The following KAT6A variants were observed in gnomAD, a reference collection of about 807,000 sequenced individuals.
KAT6A encodes histone acetyltransferase KAT6A.
A neutral mutation model predicts 198.4 loss-of-function variants in KAT6A; 9 were observed. That is an observed-to-expected ratio of 0.05 (90% CI 0.03 to 0.08). The LOEUF is 0.08. KAT6A is among the 10% of genes least tolerant of loss of function. The pLI, the probability that KAT6A is intolerant of heterozygous loss-of-function variation, is 1.00. For synonymous variants in KAT6A, 890 were observed against 883.0 expected, an observed-to-expected ratio of 1.01 and a Z score of -0.14; for missense variants, 2,077 against 2,509.9, an observed-to-expected ratio of 0.83 and a Z score of 3.69.
intron 12 of KAT6A, among the ~76,000 whole-genome samples, chr8:41,945,435 T>C (rs1297009565): frequency 1.3e-5 from 2 of 151,876 alleles, no homozygotes; most frequent in Non-Finnish European, 2.9e-5. Context: ...CACACCCAGC[T>C]AATTTTTTGT....
At chr8:41,987,075 T>TAG (rs1286904799) in intron 3 of KAT6A, among the ~76,000 whole-genome samples, 1 of 152,150 alleles carries the variant, frequency 6.6e-6, no homozygotes, top group Non-Finnish European at 1.5e-5. Flanking sequence ...CATATGACTG[T>TAG]AGCCCCGTAA....
chr8:42,051,247 C>T (rs1243973673), intron 1 of KAT6A, among the ~76,000 whole-genome samples: 2 of 151,736 alleles, frequency 1.3e-5, no homozygotes, highest in African/African-American at 4.8e-5. Flanking sequence ...GACAGGCGCC[C>T]GGCCTCCCCT....
intron 8 of KAT6A, among the ~76,000 whole-genome samples, chr8:41,967,248 C>T (rs548001068): frequency 4.0e-4 from 50 of 123,548 alleles, no homozygotes; most frequent in African/African-American, 1.6e-3. Context: ...TGAATACAAA[C>T]GCGTCTTTCT....
chr8:41,932,778 T>C lies in KAT6A; in HGVS notation c.5442A>G (p.Pro1814=), dbSNP rs1821622041. The stretch of plus-strand genomic sequence containing the variant: ...GGTTCATGGTAGTGGATGCCAAGTT[T>C]GGGGGTGGCGTCATGGTGGCTTGTG... ...PQAQATMTPP[P]NLASTTMNLT... is the part of the protein sequence containing the mutation. Residue 1814 remains proline (P), a synonymous_variant, in exon 17 of 17, where the codon CCA becomes CCG. Transcript: ENST00000265713. The C allele has an allele frequency of 6.2e-7, 1 of 1,614,134 alleles. No individual in the cohort carries two copies.
At chr8:42,047,237 G>A (rs949658340) in intron 2 of KAT6A, among the ~76,000 whole-genome samples, 2 of 152,228 alleles carry the variant, frequency 1.3e-5, no homozygotes, top group African/African-American at 4.8e-5. Flanking sequence ...TTACAGCTAA[G>A]ATACTAGGTC....
rs1821521017 is a variant in KAT6A, at chr8:41,931,136, A to G, written c.*1069T>C. The G allele has an allele frequency of 4.5e-6, 1 of 222,602 alleles. No homozygotes were observed. The highest frequency in any genetic ancestry group is 1.8e-4 in the South Asian group (1 of 5,436). 13.8% of individuals were successfully genotyped at this position (222,602 alleles called of 1,614,324 possible). A position where few individuals can be genotyped will look rare whatever the true frequency, so the allele number is the denominator to read the frequency against. On this transcript the variant is annotated 3_prime_UTR_variant, in exon 17 of 17. Coordinates refer to ENST00000265713, the MANE Select transcript of KAT6A (RefSeq NM_006766.5). ...AAATCACTAAAATGTACAGTCATCC[A>G]CCAACAATTTAAGAAAGAACCTAAG...
At chr8:41,996,836 G>A (rs1825236033) in intron 2 of KAT6A, among the ~76,000 whole-genome samples, 1 of 152,090 alleles carries the variant, frequency 6.6e-6, no homozygotes, top group Admixed American at 6.6e-5. Flanking sequence ...TACAACAGCA[G>A]AAAACAGACT....
intron 8 of KAT6A, among the ~76,000 whole-genome samples, chr8:41,965,755 C>T (rs1291231764): frequency 6.6e-6 from 1 of 152,148 alleles, no homozygotes; most frequent in Non-Finnish European, 1.5e-5. Flanking sequence ...TATTAAGCTG[C>T]ATTTTGGAGC....
intron 10 of KAT6A, among the ~76,000 whole-genome samples, chr8:41,948,904 T>C (rs964179528): frequency 7.0e-6 from 1 of 143,268 alleles, no homozygotes; most frequent in Non-Finnish European, 1.5e-5. Context: ...AGGTCACACA[T>C]CATCATCATC....
At chr8:41,980,397 G>A (rs970961264) in intron 5 of KAT6A, among the ~76,000 whole-genome samples, 1 of 151,968 alleles carries the variant, frequency 6.6e-6, no homozygotes, top group African/African-American at 2.4e-5. Context: ...ATTTCATAAA[G>A]TATTTCATAA....
At position 41,989,402 on chromosome 8, in the gene KAT6A, G is replaced by A. The variant is rs537672728; in HGVS notation, c.601-1839C>T. On this transcript the variant is annotated intron_variant, in intron 2 of 16. Transcript: ENST00000265713. Reference sequence around the variant, plus strand: ...CATGCATCTGTAATCCCAGCTACTCGGGAGACTGAAGCAGAAGAATCGCTT... The same window carrying A: ...CATGCATCTGTAATCCCAGCTACTCAGGAGACTGAAGCAGAAGAATCGCTT... Among the ~76,000 whole-genome samples the A allele has an allele frequency of 3.2e-4, 48 of 152,090 alleles. 1 individual carries two copies. The highest frequency in any genetic ancestry group is 2.1e-3 in the South Asian group (10 of 4,812).
chr8:42,020,305 T>A (rs1826470691), intron 2 of KAT6A, among the ~76,000 whole-genome samples: 1 of 151,988 alleles, frequency 6.6e-6, no homozygotes, highest in Non-Finnish European at 1.5e-5. Flanking sequence ...ACAGAAAGAG[T>A]TTGCCAACAA....
intron 9 of KAT6A, 138 bp downstream of exon 9, chr8:41,955,158 T>G: frequency 1.7e-6 from 1 of 598,216 alleles, no homozygotes; most frequent in South Asian, 2.0e-5. Context: ...CCAAAGCCGC[T>G]GCTATTATGG....
chr8:41,977,473 C>T, intron 6 of KAT6A, 146 bp from the exon 7 acceptor site: 1 of 526,106 alleles, frequency 1.9e-6, no homozygotes. Flanking sequence ...ATAAATAGTA[C>T]TCTGTGAATG....
At chr8:42,039,782 G>T (rs1281119055) in intron 2 of KAT6A, among the ~76,000 whole-genome samples, 1 of 151,786 alleles carries the variant, frequency 6.6e-6, no homozygotes, top group Non-Finnish European at 1.5e-5. Context: ...CACCCAGGCT[G>T]GAGTGCAGTA....
chr8:42,040,735 C>CAAAAAAAAAAAAAAAAAAAAA (rs59959496), intron 2 of KAT6A, among the ~76,000 whole-genome samples: 7 of 54,664 alleles, frequency 1.3e-4, no homozygotes, highest in Admixed American at 2.4e-4. Flanking sequence ...GACTCTGTCT[C>CAAAAAAAAAAAAAAAAAAAAA]AAAAAAAAAA....
Position 42,049,237 on chromosome 8 carries a change from TA to T in KAT6A, c.-261del, listed in dbSNP as rs1802474566. On this transcript the variant is annotated 5_prime_UTR_variant, in exon 2 of 17. Coordinates refer to ENST00000265713, the MANE Select transcript of KAT6A (RefSeq NM_006766.5). ...ATAGCACCACACATGGGTCTCGTCA[TA>T]AAGTTGTAAGAACTCAAGAATATTT... 2.3e-6 allele frequency: 1 copy of T among 427,178 alleles called. No homozygotes were observed. The allele number at this position is 427,178 out of a possible 1,614,324, so 26.5% of individuals were successfully genotyped here. A position where few individuals can be genotyped will look rare whatever the true frequency, so the allele number is the denominator to read the frequency against.
chr8:42,048,926 T>G lies in KAT6A; in HGVS notation c.52A>C (p.Lys18Gln). The G allele has an allele frequency of 6.2e-7, 1 of 1,614,120 alleles. No individual in the cohort carries two copies. Among genetic ancestry groups the G allele is most frequent in the Non-Finnish European group, 8.5e-7 (1 of 1,180,016 alleles). ...CGCTGTTTCTGCTTTTTCACTTTTT[T>G]GATGGCCTCCAAAATCCACTCAGTA... ...LYTEWILEAI[K>Q]KVKKQKQRPS... Residue 18 changes from lysine (K) to glutamine (Q), a missense_variant, in exon 2 of 17, where the codon AAA (lysine) becomes CAA (glutamine). By Grantham distance (53) the Lys-to-Gln change is moderately conservative. Around this residue, in one of 13 missense-constraint regions of KAT6A, gnomAD observed 35 missense variants for 76.6 expected, o/e 0.46. Transcript: ENST00000265713.
rs996891301 is a variant in KAT6A, at chr8:42,049,137, C to T, written c.-160G>A. The stretch of plus-strand genomic sequence containing the variant: ...CTTCCTCCTTTCACAAAACAGAATG[C>T]CACCCCAATTGTACTATAGAAACCA... On this transcript the variant is annotated 5_prime_UTR_variant, in exon 2 of 17. Coordinates refer to ENST00000265713, the MANE Select transcript of KAT6A (RefSeq NM_006766.5). 1.1e-5 allele frequency: 8 copies of T among 711,392 alleles called. No homozygotes were observed. The highest frequency in any genetic ancestry group is 1.0e-4 in the Admixed American group (4 of 39,212). The allele number at this position is 711,392 out of a possible 1,614,324, so 44.1% of individuals were successfully genotyped here.
Sources: allele counts gnomAD v4.1 joint callset (sites outside exome capture counted in the v4.1 genomes callset), GRCh38; gene constraint gnomAD v4.1.1; regional missense constraint gnomAD v4.1.1; transcripts MANE v1.5; gene names NCBI Gene and HGNC (gene_info 2026-07-23, HGNC 2026-07-21).